The following CR1 variants were observed in gnomAD, a reference collection of about 807,000 sequenced individuals.
CR1 encodes complement receptor type 1.
Under a neutral mutation model 187.3 loss-of-function variants are expected in CR1, and 116 were observed. The ratio of observed to expected loss-of-function variants is 0.62; its 90% CI spans 0.53 to 0.72. CR1 has a LOEUF of 0.72. Among genes scored for constraint, CR1 ranks in the 30% least tolerant of loss-of-function variants. The probability of loss-of-function intolerance (pLI) is 0.00; values close to 1 mark genes in which losing one functional copy is unlikely to be tolerated. For synonymous variants in CR1, 576 were observed against 747.1 expected (o/e 0.77, Z 3.73); for missense variants, 1,731 against 2,110.7 (o/e 0.82, Z 3.52).
chr1:207,588,643 T>C, intron 34 of CR1, 32 bp from the exon 35 acceptor site: 2 of 1,465,256 alleles, frequency 1.4e-6, no homozygotes, highest in Non-Finnish European at 1.9e-6. Flanking sequence ...TTGAACTCTA[T>C]ATTTAATCCC....
intron 46 of CR1, among the ~76,000 whole-genome samples, chr1:207,635,800 C>A (rs986245333): frequency 3.3e-5 from 5 of 152,132 alleles, no homozygotes; most frequent in African/African-American, 1.2e-4. Context: ...GTTTTGTGTC[C>A]CTGGGTACTT....
chr1:207,639,026 G>GGACT (rs1662901918), intron 46 of CR1, among the ~76,000 whole-genome samples: 1 of 152,218 alleles, frequency 6.6e-6, no homozygotes, highest in African/African-American at 2.4e-5. Context: ...AGGAACAAAG[G>GGACT]GCTGAATTGG....
At chr1:207,575,882 C>T (rs547283906) in intron 28 of CR1, among the ~76,000 whole-genome samples, 12 of 152,064 alleles carry the variant, frequency 7.9e-5, no homozygotes, top group Admixed American at 1.3e-4. Flanking sequence ...TTATCTCAGT[C>T]TAATGTATTT....
rs544612687 is a variant in CR1, at chr1:207,624,492, GC to G, written c.7352+1425del. Among the ~76,000 whole-genome samples the G allele has an allele frequency of 1.6e-4, 24 of 152,226 alleles. No homozygotes were observed. The South Asian group carries it at 4.1e-3, about 26-fold the overall frequency. On this transcript the variant is annotated intron_variant, in intron 45 of 46. Transcript: ENST00000367049. ...AAACAAGTACAGTTTCCTACAACAAGCTTTACAGAAACTGAAGTTTTGATAT... is the reference window on the plus strand; with the variant it reads ...AAACAAGTACAGTTTCCTACAACAAGTTTACAGAAACTGAAGTTTTGATAT...
In CR1 at chr1:207,564,164, C is replaced by G; in HGVS notation, c.3796C>G (p.Leu1266Val). 6.3e-7 allele frequency: 1 copy of G among 1,583,562 alleles called. No homozygotes were observed. The highest frequency in any genetic ancestry group is 8.6e-7 in the Non-Finnish European group (1 of 1,169,362). Reference protein sequence around the residue: ...KSCDDFMGQLLNGRVLFPVNL... With the variant: ...KSCDDFMGQLVNGRVLFPVNL... Reference sequence around the variant, plus strand: ...CTGTGATGACTTCATGGGCCAACTTCTTAATGGCCGTGTGCTATTTCCAGT... The same window carrying G: ...CTGTGATGACTTCATGGGCCAACTTGTTAATGGCCGTGTGCTATTTCCAGT... The change falls in exon 23 of 47, where the codon CTT (leucine) becomes GTT (valine). Residue 1266 changes from leucine (L) to valine (V), a missense_variant. Leu to Val is a conservative substitution (Grantham distance 32). This residue lies in a region of CR1 where 34 missense variants were observed against 79.5 expected (regional missense o/e 0.43). Transcript: ENST00000367049.
Position 207,618,227 on chromosome 1 carries a change from A to C in CR1, c.7046A>C (p.Gln2349Pro), listed in dbSNP as rs372676460. Residue 2349 changes from glutamine to proline, a missense_variant, in exon 42 of 47, where the codon CAA (glutamine) becomes CCA (proline). By Grantham distance (76) the Gln-to-Pro change is moderately conservative (BLOSUM62 -1). Coordinates refer to ENST00000367049, the MANE Select transcript of CR1 (RefSeq NM_000651.6). ...TGTACAGACCAGGGAATCTGGAGCC[A>C]ATTGGATCATTATTGCAAAGGTGAC... is the stretch of plus-strand genomic sequence containing the variant. Reference protein sequence around the residue: ...IFCTDQGIWSQLDHYCKEVNC... With the variant: ...IFCTDQGIWSPLDHYCKEVNC... 1.4e-4 allele frequency: 220 copies of C among 1,613,472 alleles called. No homozygotes were observed. Among genetic ancestry groups the C allele is most frequent in the Non-Finnish European group, 1.8e-4 (209 of 1,179,692 alleles).
intron 4 of CR1, among the ~76,000 whole-genome samples, chr1:207,511,862 A>G (rs1215956174): frequency 1.3e-5 from 2 of 152,220 alleles, no homozygotes; most frequent in East Asian, 3.8e-4. Context: ...TTCTAATTCC[A>G]GAAGTTTAAA....
chr1:207,632,715 G>T (rs1379336823), intron 46 of CR1, among the ~76,000 whole-genome samples: 2 of 150,854 alleles, frequency 1.3e-5, no homozygotes, highest in Non-Finnish European at 2.9e-5. Context: ...GGAGAATGGC[G>T]TGAGCCCGGG....
At chr1:207,511,141 G>T (rs573638733) in intron 3 of CR1, among the ~76,000 whole-genome samples, 30 of 152,118 alleles carry the variant, frequency 2.0e-4, no homozygotes, top group African/African-American at 7.2e-4. Context: ...CTTCTTTAAT[G>T]AATCTTATTG....
At chr1:207,499,559 G>T (rs1249784859) in intron 1 of CR1, among the ~76,000 whole-genome samples, 1 of 152,130 alleles carries the variant, frequency 6.6e-6, no homozygotes, top group Non-Finnish European at 1.5e-5. Flanking sequence ...ATATATAGAT[G>T]ACTTCATCCA....
Position 207,609,322 on chromosome 1 carries a change from A to C in CR1, c.5929A>C (p.Asn1977His). 1 of 1,613,920 alleles carries C rather than the reference A, an allele frequency of 6.2e-7. No homozygotes were observed. Among genetic ancestry groups the C allele is most frequent in the Non-Finnish European group, 8.5e-7 (1 of 1,179,826 alleles). The part of the protein sequence containing the change: ...ISCEPPPTIS[N>H]GDFYSNNRTS... ...TTGTGAGCCACCTCCAACCATATCC[A>C]ATGGAGACTTCTACAGCAACAATAG... The change falls in exon 37 of 47, where the codon AAT (asparagine) becomes CAT (histidine). Residue 1977 changes from asparagine (N) to histidine (H), a missense_variant. Physicochemically the swap from Asn to His is moderately conservative, Grantham distance 68. This residue lies in a region of CR1 where 1,312 missense variants were observed against 1,379.6 expected (regional missense o/e 0.95). Coordinates refer to ENST00000367049, the MANE Select transcript of CR1 (RefSeq NM_000651.6).
At chr1:207,619,389 A>G (rs936848576) in intron 42 of CR1, among the ~76,000 whole-genome samples, 6 of 151,624 alleles carry the variant, frequency 4.0e-5, no homozygotes, top group Non-Finnish European at 4.4e-5. Context: ...AAAAAAAAAA[A>G]AAAAAGAAAA....
At chr1:207,593,599 A>G (rs1009030620) in intron 35 of CR1, among the ~76,000 whole-genome samples, 5 of 152,230 alleles carry the variant, frequency 3.3e-5, no homozygotes, top group Non-Finnish European at 7.3e-5. Context: ...AAAAACCAAA[A>G]TTGACAAATG....
intron 28 of CR1, 97 bp downstream of exon 28, chr1:207,575,777 G>C (rs191411325): frequency 6.4e-7 from 1 of 1,566,016 alleles, no homozygotes; most frequent in Non-Finnish European, 8.8e-7. Flanking sequence ...CTTGGAAATG[G>C]TATCCTTCTG....
At chr1:207,637,115 T>G (rs976404863) in intron 46 of CR1, among the ~76,000 whole-genome samples, 1 of 152,236 alleles carries the variant, frequency 6.6e-6, no homozygotes, top group Admixed American at 6.5e-5. Context: ...TAATTCTGGA[T>G]GTTCAGGACC....
At chr1:207,638,544 G>A (rs957032099) in intron 46 of CR1, among the ~76,000 whole-genome samples, 62 of 152,138 alleles carry the variant, frequency 4.1e-4, no homozygotes, top group Non-Finnish European at 1.5e-4. Context: ...CTTACACGCA[G>A]GTCTGTTCTC....
intron 27 of CR1, among the ~76,000 whole-genome samples, chr1:207,574,185 T>A (rs942128250): frequency 6.6e-6 from 1 of 152,020 alleles, no homozygotes; most frequent in Non-Finnish European, 1.5e-5. Context: ...TCAAAATACA[T>A]GTAGCAAAAA....
intron 44 of CR1, 32 bp downstream of exon 44, chr1:207,622,028 C>A: frequency 6.4e-7 from 1 of 1,569,622 alleles, no homozygotes. Flanking sequence ...CTGAGGAATT[C>A]TGGCATCTAT....
intron 45 of CR1, among the ~76,000 whole-genome samples, chr1:207,627,852 C>T (rs1250930263): frequency 1.3e-5 from 2 of 152,138 alleles, no homozygotes; most frequent in African/African-American, 2.4e-5. Context: ...TGGTGGGGAT[C>T]GCTTTCTAGT....
Sources: gnomAD v4.1 joint callset for allele counts (sites outside exome capture counted in the v4.1 genomes callset) on GRCh38, gnomAD v4.1.1 for gene constraint, gnomAD v4.1.1 regional missense constraint, MANE v1.5 for transcripts, NCBI Gene and HGNC (gene_info 2026-07-23, HGNC 2026-07-21) for gene names.